The following SRRM4 variants were observed in gnomAD, a reference collection of about 807,000 sequenced individuals.
The protein encoded by SRRM4 is serine/arginine repetitive matrix 4.
Under a neutral mutation model 68.9 loss-of-function variants are expected in SRRM4, and 33 were observed. The observed-to-expected ratio is 0.48, with a 90% CI of 0.36 to 0.64. SRRM4 has a LOEUF of 0.64. SRRM4 is among the 30% of genes least tolerant of loss of function. The pLI is 0.00. For synonymous variants in SRRM4, 318 were observed against 318.8 expected, an observed-to-expected ratio of 1.00 and a Z score of 0.03; for missense variants, 817 against 827.1, an observed-to-expected ratio of 0.99 and a Z score of 0.15.
intron 8 of SRRM4, among the ~76,000 whole-genome samples, chr12:119,137,545 T>G (rs2433345): frequency 0.11 from 16,694 of 145,512 alleles, 1,215 homozygotes; most frequent in Middle Eastern, 0.17. Flanking sequence ...ATGTGAACAC[T>G]GAGTATATTA....
At chr12:119,123,339 C>T (rs968632491) in intron 6 of SRRM4, among the ~76,000 whole-genome samples, 2 of 152,116 alleles carry the variant, frequency 1.3e-5, no homozygotes, top group South Asian at 4.1e-4. Flanking sequence ...TTGTTCCGCT[C>T]AAGTCAAGAG....
chr12:118,996,293 G>A (rs1233485042), intron 1 of SRRM4, among the ~76,000 whole-genome samples: 1 of 152,100 alleles, frequency 6.6e-6, no homozygotes, highest in East Asian at 1.9e-4. Context: ...CTTCTCTGAG[G>A]TCTTTTGCTG....
rs60429184 is a variant in SRRM4, at chr12:119,099,122, C to CTTATTA, written c.132-3098_132-3093dup. Among the ~76,000 whole-genome samples, 115 of 151,360 alleles carry CTTATTA rather than the reference C, an allele frequency of 7.6e-4. 2 individuals are homozygous for CTTATTA. Among genetic ancestry groups the CTTATTA allele is most frequent in the South Asian group, 2.5e-3 (12 of 4,768 alleles). The stretch of plus-strand genomic sequence containing the variant: ...CCACTCTAGCCCTTGCTTGCTGTTC[C>CTTATTA]TTATTATTATTATTATTATTACTAT... On this transcript the variant is annotated intron_variant, in intron 1 of 12. Transcript: ENST00000267260.
chr12:119,000,947 T>C (rs574531384), intron 1 of SRRM4: 1 of 152,314 alleles, frequency 6.6e-6, no homozygotes, highest in South Asian at 2.1e-4. Flanking sequence ...GAAGTGTCTA[T>C]TGGCTGCACA....
At chr12:119,038,511 G>A (rs184863061) in intron 1 of SRRM4, among the ~76,000 whole-genome samples, 48 of 152,224 alleles carry the variant, frequency 3.2e-4, no homozygotes, top group African/African-American at 9.6e-4. Context: ...GCACCCGGCC[G>A]AAATTAAAAA....
At chr12:118,999,741 C>G (rs191874381) in intron 1 of SRRM4, among the ~76,000 whole-genome samples, 1 of 152,224 alleles carries the variant, frequency 6.6e-6, no homozygotes, top group Non-Finnish European at 1.5e-5. Context: ...TCAGAGAGGT[C>G]AAAACTTTAT....
chr12:119,027,633 A>G (rs532559641), intron 1 of SRRM4, among the ~76,000 whole-genome samples: 1 of 152,330 alleles, frequency 6.6e-6, no homozygotes, highest in South Asian at 2.1e-4. Flanking sequence ...ACACAATTGG[A>G]GACTATAATA....
chr12:119,089,871 G>T (rs1044116335), intron 1 of SRRM4, among the ~76,000 whole-genome samples: 3 of 151,994 alleles, frequency 2.0e-5, no homozygotes, highest in African/African-American at 7.3e-5. Flanking sequence ...TAGGCAACAG[G>T]GAAATATGCA....
chr12:119,119,049 G>GT (rs1954200927), intron 4 of SRRM4, among the ~76,000 whole-genome samples: 22 of 94,196 alleles, frequency 2.3e-4, no homozygotes, highest in African/African-American at 9.9e-4. Context: ...AAAGCACTGA[G>GT]ATTTTTTTTT....
At chr12:119,065,507 C>G (rs556006014) in intron 1 of SRRM4, among the ~76,000 whole-genome samples, 1 of 152,050 alleles carries the variant, frequency 6.6e-6, no homozygotes, top group Non-Finnish European at 1.5e-5. Flanking sequence ...GAGGCTGAAG[C>G]GGGAAGATCA....
At chr12:119,137,637 G>A (rs1185179409) in intron 8 of SRRM4, among the ~76,000 whole-genome samples, 1 of 138,492 alleles carries the variant, frequency 7.2e-6, no homozygotes, top group African/African-American at 2.8e-5. Flanking sequence ...AGAGAGAGGA[G>A]ATACTGGAGC....
intron 1 of SRRM4, among the ~76,000 whole-genome samples, chr12:119,080,890 A>G (rs1010133872): frequency 4.6e-5 from 7 of 152,198 alleles, no homozygotes; most frequent in Admixed American, 6.5e-5. Context: ...ACATAGCCCC[A>G]TGCATAAACC....
At chr12:119,071,804 A>G (rs552344635) in intron 1 of SRRM4, among the ~76,000 whole-genome samples, 2 of 152,254 alleles carry the variant, frequency 1.3e-5, no homozygotes, top group South Asian at 4.1e-4. Flanking sequence ...GTTACTTTTC[A>G]ACAAAGGTCT....
At chr12:119,080,013 A>G (rs2136030834) in intron 1 of SRRM4, among the ~76,000 whole-genome samples, 1 of 152,266 alleles carries the variant, frequency 6.6e-6, no homozygotes, top group South Asian at 2.1e-4. Flanking sequence ...GAATTCAGCT[A>G]CCGGTGCCCC....
chr12:119,092,836 C>T (rs924164073), intron 1 of SRRM4, among the ~76,000 whole-genome samples: 1 of 152,028 alleles, frequency 6.6e-6, no homozygotes, highest in Non-Finnish European at 1.5e-5. Flanking sequence ...AGGAAAGAGC[C>T]AAGTCCCTGT....
In SRRM4 at chr12:119,151,250, G is replaced by A. The variant is rs151299260; in HGVS notation, c.1280+30G>A. The stretch of plus-strand genomic sequence containing the variant: ...GTGTGGTTTTGACCTTTGCTCTGCA[G>A]CACCTTTCTCCTTAGGAAATTAGTT... On this transcript the variant is annotated intron_variant, in intron 10 of 12. Coordinates refer to ENST00000267260, the MANE Select transcript of SRRM4 (RefSeq NM_194286.4). 4.4e-3 allele frequency: 6,959 copies of A among 1,585,756 alleles called. 26 individuals carry two copies. Among genetic ancestry groups the A allele is most frequent in the Non-Finnish European group, 5.4e-3 (6,272 of 1,154,264 alleles).
chr12:119,120,259 C>T lies in SRRM4; in HGVS notation c.447C>T (p.Ser149=), dbSNP rs1394950897. 6.5e-7 allele frequency: 1 copy of T among 1,548,550 alleles called. No individual in the cohort carries two copies. The highest frequency in any genetic ancestry group is 8.7e-7 in the Non-Finnish European group (1 of 1,145,666). ...CTTTCTTTCTTTTCAGGTCATTCTC[C>T]AAGAAGAGAAGGCACAGGTAAGACT... The part of the protein sequence containing the change: ...SKKHKRRRSF[S]KKRRHSSSSP... The change falls in exon 5 of 13, where the codon TCC becomes TCT. Residue 149 remains serine (S), a synonymous_variant. Coordinates refer to ENST00000267260, the MANE Select transcript of SRRM4 (RefSeq NM_194286.4).
At chr12:119,039,844 G>A (rs1277363574) in intron 1 of SRRM4, among the ~76,000 whole-genome samples, 1 of 151,262 alleles carries the variant, frequency 6.6e-6, no homozygotes, top group Non-Finnish European at 1.5e-5. Context: ...TGCAGACGTG[G>A]CTGAAGAGAG....
chr12:119,045,491 C>T (rs189916956), intron 1 of SRRM4, among the ~76,000 whole-genome samples: 2 of 148,228 alleles, frequency 1.3e-5, no homozygotes, highest in African/African-American at 2.5e-5. Flanking sequence ...CCCGCTCCCC[C>T]CCGCCCCAAA....
Sources: gnomAD v4.1 joint callset for allele counts (sites outside exome capture counted in the v4.1 genomes callset) on GRCh38, gnomAD v4.1.1 for gene constraint, MANE v1.5 for transcripts, NCBI Gene and HGNC (gene_info 2026-07-23, HGNC 2026-07-21) for gene names.